The following SPAG9 variants were observed in gnomAD, a reference collection of about 807,000 sequenced individuals.
The protein encoded by SPAG9 is sperm associated antigen 9.
A neutral mutation model predicts 166.5 loss-of-function variants in SPAG9; 35 were observed. That is an observed-to-expected ratio of 0.21 (90% confidence interval 0.16 to 0.28). SPAG9 has a LOEUF of 0.28. Among genes scored for constraint, SPAG9 ranks in the 10% least tolerant of loss-of-function variants. The pLI, the probability that SPAG9 is intolerant of heterozygous loss-of-function variation, is 1.00. For synonymous variants in SPAG9, 534 were observed against 565.5 expected, an observed-to-expected ratio of 0.94 and a Z score of 0.79; for missense variants, 1,235 against 1,603.3, an observed-to-expected ratio of 0.77 and a Z score of 3.92.
chr17:51,120,297 C>CT lies in SPAG9; in HGVS notation c.303+56_303+57insA. On this transcript the variant is annotated intron_variant, in intron 1 of 29. Coordinates refer to ENST00000262013, the MANE Select transcript of SPAG9 (RefSeq NM_001130528.3). This position sits in a 1 kb window ranked among gnomAD's most constrained non-coding sequence, Gnocchi z 4.7. Reference sequence around the variant, plus strand: ...CTAGTCCCCGACCGGGCCGCGACCCCGCCCCGGCCGCCCCCGGAGACGGAT... The same window carrying CT: ...CTAGTCCCCGACCGGGCCGCGACCCCTGCCCCGGCCGCCCCCGGAGACGGAT... 7.0e-7 allele frequency: 1 copy of CT among 1,428,306 alleles called. No homozygotes were observed. The highest frequency in any genetic ancestry group is 9.2e-7 in the Non-Finnish European group (1 of 1,085,448). The allele number at this position is 1,428,306 out of a possible 1,614,324, so 88.5% of individuals were successfully genotyped here.
intron 1 of SPAG9, among the ~76,000 whole-genome samples, chr17:51,093,537 C>T (rs1260201831): frequency 6.6e-6 from 1 of 151,478 alleles, no homozygotes; most frequent in Non-Finnish European, 1.5e-5. Context: ...CCCGTCTCTA[C>T]TAAAAAAATC....
In SPAG9 at chr17:51,106,174, AC is replaced by A. The variant is rs370287390; in HGVS notation, c.303+14179del. On this transcript the variant is annotated intron_variant, in intron 1 of 29. Coordinates refer to ENST00000262013, the MANE Select transcript of SPAG9 (RefSeq NM_001130528.3). ...ACACACTAGCTGGGCATGATGGCAT[AC>A]ACCTGTAGTCCTAGCTACTCAGGAG... 2.7e-4 allele frequency among the ~76,000 whole-genome samples: 41 copies of A among 149,762 alleles called. No homozygotes were observed. In the East Asian group the frequency reaches 7.8e-3, roughly 28 times the overall value.
chr17:51,093,727 C>T (rs999422692), intron 1 of SPAG9, among the ~76,000 whole-genome samples: 4 of 136,982 alleles, frequency 2.9e-5, no homozygotes, highest in Non-Finnish European at 4.7e-5. Flanking sequence ...AAAATTATAA[C>T]AGATCCATAC....
chr17:50,975,746 G>T, intron 27 of SPAG9: 2 of 710,892 alleles, frequency 2.8e-6, no homozygotes, highest in Non-Finnish European at 4.7e-6. Context: ...GCGATGCAGT[G>T]ACTGCAAGTG....
intron 2 of SPAG9, among the ~76,000 whole-genome samples, chr17:51,077,029 TCTATCTAGCTATCTAGCTATCTAG>T (rs1365726247): frequency 3.4e-4 from 22 of 65,336 alleles, no homozygotes; most frequent in African/African-American, 1.1e-3. Flanking sequence ...TATCTAGCTA[TCTATCTAGCTATCTAGCTATCTAG>T]CTAGCTATCT....
At chr17:50,978,884 G>A (rs1172438951) in intron 26 of SPAG9, among the ~76,000 whole-genome samples, 1 of 152,138 alleles carries the variant, frequency 6.6e-6, no homozygotes, top group Non-Finnish European at 1.5e-5. Context: ...CTGCACCTTG[G>A]TTACTAGGCA....
intron 6 of SPAG9, among the ~76,000 whole-genome samples, chr17:51,024,401 A>G (rs2046070619): frequency 6.6e-6 from 1 of 152,158 alleles, no homozygotes; most frequent in Admixed American, 6.5e-5. Flanking sequence ...TACACAACAT[A>G]TAAAAATAAA....
chr17:51,057,313 T>C (rs2047388599), intron 2 of SPAG9, among the ~76,000 whole-genome samples: 1 of 152,112 alleles, frequency 6.6e-6, no homozygotes, highest in Non-Finnish European at 1.5e-5. Flanking sequence ...GGAGACAGTC[T>C]GGGGAGAAAT....
intron 17 of SPAG9, 63 bp from the exon 18 acceptor site, chr17:50,995,287 T>A: frequency 1.3e-6 from 2 of 1,481,804 alleles, no homozygotes; most frequent in Non-Finnish European, 1.8e-6. Flanking sequence ...CATGTTTTCT[T>A]AAAATAACTA....
At chr17:51,006,496 T>C (rs1404140511) in intron 10 of SPAG9, among the ~76,000 whole-genome samples, 1 of 152,204 alleles carries the variant, frequency 6.6e-6, no homozygotes, top group Non-Finnish European at 1.5e-5. Context: ...AAAAATAGCA[T>C]TCAAAAGGTT....
chr17:50,982,752 T>A, intron 24 of SPAG9, 80 bp from the exon 25 acceptor site: 3 of 1,257,874 alleles, frequency 2.4e-6, no homozygotes, highest in Non-Finnish European at 3.3e-6. Context: ...TTATTTGTTG[T>A]ATAATTAAAT....
chr17:51,076,997 G>C (rs866609870), intron 2 of SPAG9, among the ~76,000 whole-genome samples: 1 of 97,026 alleles, frequency 1.0e-5, no homozygotes, highest in African/African-American at 3.4e-5. Flanking sequence ...TAGCTATCTA[G>C]CTATCTAGCT....
At chr17:51,074,165 G>C (rs1399127627) in intron 2 of SPAG9, among the ~76,000 whole-genome samples, 1 of 152,036 alleles carries the variant, frequency 6.6e-6, no homozygotes, top group Non-Finnish European at 1.5e-5. Context: ...GAACCCGGGA[G>C]GCAGAGCTTG....
At chr17:50,987,069 A>G in intron 22 of SPAG9, 43 bp downstream of exon 22, 1 of 1,562,542 alleles carries the variant, frequency 6.4e-7, no homozygotes, top group Non-Finnish European at 8.6e-7. Flanking sequence ...TCAAAAGCAA[A>G]AGTAAAACAA....
At chr17:50,985,224 C>T (rs1348067992) in intron 23 of SPAG9, among the ~76,000 whole-genome samples, 3 of 152,212 alleles carry the variant, frequency 2.0e-5, no homozygotes, top group Admixed American at 6.5e-5. Flanking sequence ...CACTTTCTGG[C>T]CCAAGGTTCT....
At chr17:51,014,142 T>C (rs1364300412) in intron 9 of SPAG9, 90 bp downstream of exon 9, 16 of 1,169,482 alleles carry the variant, frequency 1.4e-5, no homozygotes, top group Admixed American at 1.3e-4. Flanking sequence ...CACTGAGCAG[T>C]TGGGGACATT....
At chr17:51,079,843 A>G in intron 1 of SPAG9, 139 bp from the exon 2 acceptor site, 1 of 556,306 alleles carries the variant, frequency 1.8e-6, no homozygotes, top group East Asian at 3.1e-5. Context: ...GTTGATTTTT[A>G]GTTTTTCTAT....
intron 1 of SPAG9, among the ~76,000 whole-genome samples, chr17:51,119,632 T>C (rs2049411740): frequency 6.6e-6 from 1 of 152,146 alleles, no homozygotes; most frequent in Non-Finnish European, 1.5e-5. Flanking sequence ...GTCACCTACA[T>C]CTTCCCAACC....
chr17:50,980,331 G>T (rs777655032), intron 25 of SPAG9, among the ~76,000 whole-genome samples: 1 of 151,922 alleles, frequency 6.6e-6, no homozygotes, highest in Non-Finnish European at 1.5e-5. Context: ...TCAGCCTCCT[G>T]AGTAGCGGGA....
Sources: gnomAD v4.1 joint callset for allele counts (sites outside exome capture counted in the v4.1 genomes callset) on GRCh38, gnomAD v4.1.1 for gene constraint, Gnocchi (gnomAD v3.1) non-coding constraint, MANE v1.5 for transcripts, NCBI Gene and HGNC (gene_info 2026-07-23, HGNC 2026-07-21) for gene names.